The following JMJD7 variants were observed in gnomAD, a reference collection of about 807,000 sequenced individuals.
JMJD7 encodes bifunctional peptidase and (3S)-lysyl hydroxylase JMJD7.
Under a neutral mutation model 41.1 loss-of-function variants are expected in JMJD7, and 41 were observed. The ratio of observed to expected loss-of-function variants is 1.00; its 90% CI spans 0.78 to 1.30. The LOEUF (loss-of-function observed/expected upper bound fraction) is 1.30. Ranked by LOEUF, JMJD7 falls within the 50% of genes most tolerant of loss-of-function variation. JMJD7 has a pLI of 0.00. For missense variants in JMJD7, 480 were observed against 420.7 expected (o/e 1.14, Z -1.23); for synonymous variants, 202 against 177.2 (o/e 1.14, Z -1.11).
chr15:41,835,127 C>T lies in JMJD7; in HGVS notation c.376C>T (p.Leu126Phe), dbSNP rs769398219. 3.7e-6 allele frequency: 6 copies of T among 1,610,758 alleles called. No homozygotes were observed. The highest frequency in any genetic ancestry group is 1.7e-5 in the Admixed American group (1 of 60,026). Residue 126 changes from leucine (L) to phenylalanine (F), a missense_variant, in exon 3 of 8, where the codon CTC (leucine) becomes TTC (phenylalanine). Leu to Phe is a conservative substitution (Grantham distance 22). Transcript: ENST00000397299. ...GGGCCGGGCCCAGCACCCTGGAGTC[C>T]TCTATGTGCAGAAGCAGTGCTCCAA... ...LEGRAQHPGV[L>F]YVQKQCSNLP... is the part of the protein sequence containing the mutation.
intron 1 of JMJD7, among the ~76,000 whole-genome samples, chr15:41,833,162 G>A (rs117679251): frequency 1.9e-4 from 29 of 151,990 alleles, no homozygotes; most frequent in Non-Finnish European, 1.6e-4. Flanking sequence ...GCTTTGGGTG[G>A]GAGTGGAATT....
chr15:41,835,373 A>G, intron 3 of JMJD7, 150 bp downstream of exon 3: 1 of 1,352,304 alleles, frequency 7.4e-7, no homozygotes, highest in African/African-American at 1.5e-5. Flanking sequence ...CCAGGCCTTG[A>G]CTTAATCATA....
chr15:41,834,598 A>T, intron 1 of JMJD7, 142 bp from the exon 2 acceptor site: 1 of 1,221,958 alleles, frequency 8.2e-7, no homozygotes, highest in Non-Finnish European at 1.1e-6. Context: ...TCTTTCTATT[A>T]CTGGTTGTCC....
Position 41,834,865 on chromosome 15 carries a change from C to T in JMJD7, c.190C>T (p.Leu64Phe). The T allele has an allele frequency of 6.2e-7, 1 of 1,614,210 alleles. No individual in the cohort carries two copies. Among genetic ancestry groups the T allele is most frequent in the Non-Finnish European group, 8.5e-7 (1 of 1,180,012 alleles). ...CAACGCTCTGCAGCACTGGCCGGCC[C>T]TCCAGAAGTGGTCCCTCCCCTATTT... ...IRNALQHWPA[L>F]QKWSLPYFRA... The change falls in exon 2 of 8, where the codon CTC becomes TTC. Residue 64 changes from leucine (L) to phenylalanine (F), a missense_variant. By Grantham distance (22) the Leu-to-Phe change is conservative. Transcript: ENST00000397299.
intron 1 of JMJD7, among the ~76,000 whole-genome samples, chr15:41,834,332 C>T (rs566211742): frequency 6.6e-6 from 1 of 152,240 alleles, no homozygotes; most frequent in East Asian, 1.9e-4. Flanking sequence ...CACACAACAC[C>T]CAGAATAGCC....
In JMJD7 at chr15:41,835,045, C is replaced by T. The variant is rs2065289599; in HGVS notation, c.294C>T (p.Arg98=). ...ACGCGGATGCCGTGAGAGGGGATCG[C>T]TTCATGATGCCAGCTGAGCGCCGCC... The part of the protein sequence containing the change: ...DGYADAVRGD[R]FMMPAERRLP... Residue 98 remains arginine (R), a synonymous_variant, in exon 3 of 8, where the codon CGC becomes CGT. Transcript: ENST00000397299. The T allele has an allele frequency of 6.2e-7, 1 of 1,613,956 alleles. No homozygotes were observed. The highest frequency in any genetic ancestry group is 1.3e-5 in the African/African-American group (1 of 75,064).
chr15:41,836,585 G>A, intron 6 of JMJD7, 34 bp downstream of exon 6: 1 of 1,518,476 alleles, frequency 6.6e-7, no homozygotes, highest in Non-Finnish European at 8.8e-7. Flanking sequence ...TAGGGAGGGA[G>A]AAGGGCAGAA....
rs778011222 is a variant in JMJD7, at chr15:41,836,828, C to A, written c.750C>A (p.Tyr250Ter). 3.5e-5 allele frequency: 57 copies of A among 1,612,650 alleles called. No homozygotes were observed. The highest frequency in any genetic ancestry group is 4.3e-5 in the Non-Finnish European group (51 of 1,179,632). The stretch of plus-strand genomic sequence containing the variant: ...CCTTGGCGCCAGACCTAGCACGGTA[C>A]CCTAGTTACAGTCAGGCCCAGGCCC... ...LDPLAPDLAR[Y>*]PSYSQAQALR... is the part of the protein sequence containing the mutation. The change falls in exon 7 of 8, where the codon TAC becomes TAA. Residue 250 changes from tyrosine (Y) to a stop codon, truncating the protein, a stop_gained. Coordinates refer to ENST00000397299, the MANE Select transcript of JMJD7 (RefSeq NM_001114632.2). LOFTEE classifies it high-confidence loss of function.
chr15:41,834,919 TGA>T (rs757517732), intron 2 of JMJD7, 26 bp downstream of exon 2: 2 of 1,613,488 alleles, frequency 1.2e-6, no homozygotes, highest in East Asian at 2.2e-5. Flanking sequence ...GGGTCAGGTG[TGA>T]GCAGTGATTA....
intron 3 of JMJD7, 84 bp downstream of exon 3, chr15:41,835,307 A>G: frequency 6.6e-7 from 1 of 1,509,664 alleles, no homozygotes. Context: ...TTAGGTGATG[A>G]CCTGGCCTAT....
intron 3 of JMJD7, 110 bp from the exon 4 acceptor site, chr15:41,835,478 C>T: frequency 1.4e-6 from 2 of 1,479,130 alleles, no homozygotes; most frequent in South Asian, 1.3e-5. Context: ...CTCCCTGACC[C>T]CTTTCTTGGG....
intron 5 of JMJD7, 50 bp downstream of exon 5, chr15:41,836,293 G>C (rs769483249): frequency 6.2e-7 from 1 of 1,608,446 alleles, no homozygotes. Context: ...TGGCCCAAGG[G>C]GGAGGGAGGC....
chr15:41,833,415 T>TATA (rs1555457127), intron 1 of JMJD7, among the ~76,000 whole-genome samples: 270 of 23,248 alleles, frequency 0.012, 1 homozygote, highest in Middle Eastern at 0.023. Context: ...TATATATATA[T>TATA]TTTTTTTTTT....
chr15:41,828,825 C>T (rs560894782), intron 1 of JMJD7, among the ~76,000 whole-genome samples: 6 of 152,238 alleles, frequency 3.9e-5, no homozygotes, highest in African/African-American at 7.2e-5. Context: ...ACTTTTTACC[C>T]TTTTTTTGTA....
At chr15:41,830,525 C>G (rs1463663944) in intron 1 of JMJD7, among the ~76,000 whole-genome samples, 1 of 152,112 alleles carries the variant, frequency 6.6e-6, no homozygotes, top group South Asian at 2.1e-4. Context: ...GCTCCCTAGG[C>G]GCAATTACAG....
At chr15:41,836,721 C>G in intron 6 of JMJD7, 60 bp from the exon 7 acceptor site, 1 of 1,529,812 alleles carries the variant, frequency 6.5e-7, no homozygotes, top group Non-Finnish European at 8.8e-7. Context: ...TTGGAAGGGA[C>G]AGAGCCTGAA....
At chr15:41,834,915 G>A (rs1400828386) in intron 2 of JMJD7, 22 bp downstream of exon 2, 3 of 1,613,480 alleles carry the variant, frequency 1.9e-6, no homozygotes, top group Non-Finnish European at 2.5e-6. Context: ...CCTGGGGTCA[G>A]GTGTGAGCAG....
Position 41,837,107 on chromosome 15 carries a change from GTTAC to G in JMJD7, c.905_908del (p.Tyr302SerfsTer69). 6.2e-7 allele frequency: 1 copy of G among 1,613,760 alleles called. No homozygotes were observed. Among genetic ancestry groups the G allele is most frequent in the Non-Finnish European group, 8.5e-7 (1 of 1,179,772 alleles). ...GACATGGAATACGACCTCAAGTATA[GTTAC>G]TTCCAGCTGCTCGACTCCCTCACCA... On this transcript the variant is annotated frameshift_variant, in exon 8 of 8. Transcript: ENST00000397299. LOFTEE classifies it high-confidence loss of function.
chr15:41,835,716 G>T, intron 4 of JMJD7, 72 bp downstream of exon 4: 1 of 1,547,138 alleles, frequency 6.5e-7, no homozygotes, highest in East Asian at 2.3e-5. Context: ...GAGGCCAGGA[G>T]TGGAGGGATG....
Sources: allele counts gnomAD v4.1 joint callset (sites outside exome capture counted in the v4.1 genomes callset), GRCh38; gene constraint gnomAD v4.1.1; transcripts MANE v1.5; gene names NCBI Gene and HGNC (gene_info 2026-07-23, HGNC 2026-07-21).